The following CATSPERE variants were observed in gnomAD, a reference collection of about 807,000 sequenced individuals.
CATSPERE encodes the protein cation channel sperm-associated auxiliary subunit epsilon.
CATSPERE carries 93 observed loss-of-function variants against 114.1 expected under a neutral mutation model. The observed-to-expected ratio is 0.81, with a 90% CI of 0.69 to 0.97. The LOEUF is 0.97. CATSPERE is among the 50% of genes least tolerant of loss of function. The pLI, the probability that CATSPERE is intolerant of heterozygous loss-of-function variation, is 0.00. For synonymous variants in CATSPERE, 341 were observed against 384.1 expected, an observed-to-expected ratio of 0.89 and a Z score of 1.31; for missense variants, 1,058 against 1,131.6, an observed-to-expected ratio of 0.93 and a Z score of 0.93.
intron 9 of CATSPERE, among the ~76,000 whole-genome samples, chr1:244,558,808 T>A (rs933571009): frequency 6.6e-6 from 1 of 152,112 alleles, no homozygotes; most frequent in Admixed American, 6.5e-5. Context: ...TGTCTCCTAT[T>A]TCTCTGTCCC....
chr1:244,496,049 A>G lies in CATSPERE; in HGVS notation c.352-2953A>G, dbSNP rs541058809. Among the ~76,000 whole-genome samples, 17 of 152,352 alleles carry G rather than the reference A, an allele frequency of 1.1e-4. No homozygotes were observed. In the South Asian group the frequency reaches 3.5e-3, roughly 32 times the overall value. On this transcript the variant is annotated intron_variant, in intron 6 of 21. Coordinates refer to ENST00000366534, the MANE Select transcript of CATSPERE (RefSeq NM_001130957.2). ...TTATATTCAGGCGTGTGAAATCAGT[A>G]ACAAAAACAAAAACAAAAAAGGATC... is the stretch of plus-strand genomic sequence containing the variant.
intron 8 of CATSPERE, among the ~76,000 whole-genome samples, chr1:244,528,411 G>A (rs189457551): frequency 4.7e-4 from 71 of 152,300 alleles, no homozygotes; most frequent in African/African-American, 1.7e-3. Context: ...GAAAGGTAAA[G>A]TGTAATTCCA....
chr1:244,545,744 A>G (rs1224326000), intron 8 of CATSPERE, among the ~76,000 whole-genome samples: 1 of 152,230 alleles, frequency 6.6e-6, no homozygotes, highest in Non-Finnish European at 1.5e-5. Context: ...AATGTTGGAC[A>G]TGCACAGCAA....
Position 244,560,790 on chromosome 1 carries a change from G to A in CATSPERE, c.1152G>A (p.Ser384=), listed in dbSNP as rs7544794. 198,132 of 1,613,586 alleles carry A rather than the reference G, an allele frequency of 0.12. 18,337 individuals are homozygous for A. Among genetic ancestry groups the A allele is most frequent in the African/African-American group, 0.39 (29,203 of 74,876 alleles). The change falls in exon 10 of 22, where the codon TCG becomes TCA. Residue 384 remains serine, a synonymous_variant. Transcript: ENST00000366534. ...TTELKNILSL[S]VTATLTIDRV... is the part of the protein sequence containing the mutation. ...AACTGAAAAACATCCTAAGTCTATC[G>A]GTGACTGCTACTCTGACCATAGACA...
chr1:244,622,444 C>T (rs1346575601), intron 20 of CATSPERE, among the ~76,000 whole-genome samples: 1 of 149,474 alleles, frequency 6.7e-6, no homozygotes, highest in African/African-American at 2.5e-5. Context: ...CATTCTGTCA[C>T]CCAGGCTGGA....
At chr1:244,628,854 C>T (rs1199220606) in intron 20 of CATSPERE, among the ~76,000 whole-genome samples, 2 of 152,172 alleles carry the variant, frequency 1.3e-5, no homozygotes, top group African/African-American at 4.8e-5. Context: ...CACATCTAGG[C>T]AAATGGGAGC....
At chr1:244,636,088 C>T (rs1201011881) in intron 21 of CATSPERE, among the ~76,000 whole-genome samples, 2 of 152,186 alleles carry the variant, frequency 1.3e-5, no homozygotes, top group Non-Finnish European at 2.9e-5. Context: ...AGTGGCTGTG[C>T]CCTCTGCTCT....
At chr1:244,593,642 A>C in intron 17 of CATSPERE, 64 bp downstream of exon 17, 1 of 1,338,436 alleles carries the variant, frequency 7.5e-7, no homozygotes, top group Non-Finnish European at 1.1e-6. Context: ...GCACGAAAAC[A>C]AGACTAATTG....
chr1:244,508,546 C>T (rs1675198035), intron 7 of CATSPERE, among the ~76,000 whole-genome samples: 2 of 151,668 alleles, frequency 1.3e-5, no homozygotes, highest in Admixed American at 6.6e-5. Flanking sequence ...TGTGATCCGC[C>T]CACCTTGGCC....
intron 7 of CATSPERE, among the ~76,000 whole-genome samples, chr1:244,518,095 C>T (rs1355621201): frequency 6.6e-6 from 1 of 152,176 alleles, no homozygotes; most frequent in African/African-American, 2.4e-5. Flanking sequence ...AATTCCAACT[C>T]AATTCCCCTT....
At chr1:244,487,916 T>C (rs574853700) in intron 5 of CATSPERE, among the ~76,000 whole-genome samples, 1 of 152,296 alleles carries the variant, frequency 6.6e-6, no homozygotes, top group South Asian at 2.1e-4. Context: ...AGATAAATAC[T>C]GTAGAGTACA....
intron 7 of CATSPERE, among the ~76,000 whole-genome samples, chr1:244,513,215 G>A (rs1676053661): frequency 6.6e-6 from 1 of 152,128 alleles, no homozygotes; most frequent in South Asian, 2.1e-4. Flanking sequence ...ACCAGCAATT[G>A]CAGTGGTGGG....
intron 10 of CATSPERE, among the ~76,000 whole-genome samples, chr1:244,566,115 T>C (rs1273706410): frequency 6.6e-6 from 1 of 152,204 alleles, no homozygotes; most frequent in Non-Finnish European, 1.5e-5. Context: ...TCAGATTCCA[T>C]GTAGTTGTGT....
Position 244,635,535 on chromosome 1 carries a change from A to G in CATSPERE, c.2695A>G (p.Ile899Val). 1 of 1,612,358 alleles carries G rather than the reference A, an allele frequency of 6.2e-7. No homozygotes were observed. The highest frequency in any genetic ancestry group is 1.1e-5 in the South Asian group (1 of 90,962). Residue 899 changes from isoleucine to valine, a missense_variant, in exon 21 of 22, where the codon ATT becomes GTT. Around this residue, in one of 2 missense-constraint regions of CATSPERE, gnomAD observed 787 missense variants for 905.6 expected, o/e 0.87. Coordinates refer to ENST00000366534, the MANE Select transcript of CATSPERE (RefSeq NM_001130957.2). Reference sequence around the variant, plus strand: ...GTTTGCAATAGAGACATTTGGACTGATTCCCAGGTAAGGAGCAGGGCCTAA... The same window carrying G: ...GTTTGCAATAGAGACATTTGGACTGGTTCCCAGGTAAGGAGCAGGGCCTAA... ...AMFAIETFGLIPSPSVYLVAS... is the reference protein window; with the variant it reads ...AMFAIETFGLVPSPSVYLVAS...
chr1:244,522,467 C>G (rs181023827), intron 8 of CATSPERE, among the ~76,000 whole-genome samples: 1 of 151,672 alleles, frequency 6.6e-6, no homozygotes, highest in African/African-American at 2.4e-5. Flanking sequence ...TAGCAGACGG[C>G]GAGAAATAAC....
chr1:244,558,055 A>G (rs544997881), intron 9 of CATSPERE, among the ~76,000 whole-genome samples: 4 of 151,412 alleles, frequency 2.6e-5, no homozygotes, highest in South Asian at 2.1e-4. Context: ...GCCTCAAGCA[A>G]TTCTCGCACC....
intron 17 of CATSPERE, among the ~76,000 whole-genome samples, chr1:244,594,498 G>T (rs371419103): frequency 6.6e-6 from 1 of 152,082 alleles, no homozygotes. Context: ...GAAAAAATAC[G>T]AGGTAAACGA....
chr1:244,553,448 TGTAGTG>T (rs1240521121), intron 9 of CATSPERE, among the ~76,000 whole-genome samples: 2 of 151,264 alleles, frequency 1.3e-5, no homozygotes, highest in African/African-American at 4.9e-5. Context: ...CTACAGTGCC[TGTAGTG>T]GTGGGTGTCT....
intron 5 of CATSPERE, among the ~76,000 whole-genome samples, chr1:244,488,179 T>C (rs1393844526): frequency 1.3e-5 from 2 of 152,162 alleles, no homozygotes; most frequent in East Asian, 3.9e-4. Flanking sequence ...CACTACTATC[T>C]CTCTGTCTTC....
Sources: allele counts gnomAD v4.1 joint callset (sites outside exome capture counted in the v4.1 genomes callset), GRCh38; gene constraint gnomAD v4.1.1; regional missense constraint gnomAD v4.1.1; transcripts MANE v1.5; gene names NCBI Gene and HGNC (gene_info 2026-07-23, HGNC 2026-07-21).